Variants in SPTBN4 observed in about 807,000 individuals in gnomAD.
SPTBN4 encodes spectrin beta chain, non-erythrocytic 4.
In SPTBN4, 96 loss-of-function variants were observed where a neutral mutation model predicts 277.8. The ratio of observed to expected loss-of-function variants is 0.35; its 90% CI spans 0.29 to 0.41. The LOEUF (loss-of-function observed/expected upper bound fraction) is 0.41. Among genes scored for constraint, SPTBN4 ranks in the 10% least tolerant of loss-of-function variants. SPTBN4 has a pLI of 1.00. For missense variants in SPTBN4, 3,006 were observed against 3,595.7 expected (o/e 0.84, Z 4.19); for synonymous variants, 1,481 against 1,580.3 (o/e 0.94, Z 1.49).
At chr19:40,524,856 A>G (rs914439092) in intron 17 of SPTBN4, among the ~76,000 whole-genome samples, 26 of 152,324 alleles carry the variant, frequency 1.7e-4, no homozygotes, top group African/African-American at 5.8e-4. Flanking sequence ...TCAAGCGAAG[A>G]TATTTATTGA....
At chr19:40,568,411 C>T in intron 31 of SPTBN4, 129 bp downstream of exon 31, 1 of 1,321,492 alleles carries the variant, frequency 7.6e-7, no homozygotes, top group Non-Finnish European at 1.0e-6. Flanking sequence ...GCCGCGGTAC[C>T]CATTTTGCAG....
At chr19:40,549,075 G>T (rs754819057) in intron 20 of SPTBN4, 114 bp from the exon 21 acceptor site, 125 of 800,134 alleles carry the variant, frequency 1.6e-4, no homozygotes, top group Non-Finnish European at 2.3e-4. Flanking sequence ...ACAAGGAGAG[G>T]GTGGAAGGGT....
At chr19:40,520,274 G>A in intron 16 of SPTBN4, 123 bp downstream of exon 16, 1 of 1,116,128 alleles carries the variant, frequency 9.0e-7, no homozygotes, top group Non-Finnish European at 1.2e-6. Context: ...TCTGAGGTGG[G>A]TGGGAGGTGA....
chr19:40,530,588 C>T, intron 18 of SPTBN4: 1 of 980,858 alleles, frequency 1.0e-6, no homozygotes, highest in Non-Finnish European at 1.2e-6. Flanking sequence ...ACTGCCGCTT[C>T]AGGTCTCGGG....
intron 17 of SPTBN4, chr19:40,524,747 G>C: frequency 2.6e-6 from 1 of 391,374 alleles, no homozygotes; most frequent in South Asian, 1.9e-5. Flanking sequence ...GTGAGTGTCT[G>C]CATGTCTCTG....
chr19:40,504,148 C>CCCGCCCA lies in SPTBN4; in HGVS notation c.1665+16_1665+17insCCGCCCA. The CCCGCCCA allele has an allele frequency of 1.5e-6, 1 of 645,734 alleles. No homozygotes were observed. Among genetic ancestry groups the CCCGCCCA allele is most frequent in the Non-Finnish European group, 2.1e-6 (1 of 471,358 alleles). The allele number at this position is 645,734 out of a possible 1,614,324, so 40.0% of individuals were successfully genotyped here. On this transcript the variant is annotated intron_variant, in intron 12 of 35. Transcript: ENST00000598249. ...GGAGATGCAGGTGCCGGCGGGGGGG[C>CCCGCCCA]GGGGATGCGGGTGGAGTGCCAGGAG... is the stretch of plus-strand genomic sequence containing the variant.
In SPTBN4 at chr19:40,532,786, G is replaced by A. The variant is rs2080692868; in HGVS notation, c.4095+15G>A. The A allele has an allele frequency of 6.2e-7, 1 of 1,603,570 alleles. No homozygotes were observed. Among genetic ancestry groups the A allele is most frequent in the Non-Finnish European group, 8.5e-7 (1 of 1,174,064 alleles). ...AGATCGAGCGGGTGAGGAAGCTGAT[G>A]GCCCCTCTGCCTGTGCCAGGTGCAG... On this transcript the variant is annotated intron_variant, in intron 19 of 35. Transcript: ENST00000598249.
intron 20 of SPTBN4, among the ~76,000 whole-genome samples, chr19:40,543,332 T>C (rs1267333166): frequency 6.6e-6 from 1 of 152,148 alleles, no homozygotes; most frequent in African/African-American, 2.4e-5. Context: ...CATCTAAGGT[T>C]ACGTGCTCAT....
intron 18 of SPTBN4, among the ~76,000 whole-genome samples, chr19:40,532,294 G>A (rs1459505788): frequency 6.6e-6 from 1 of 151,690 alleles, no homozygotes; most frequent in Non-Finnish European, 1.5e-5. Flanking sequence ...GTTTTGGGGG[G>A]GGTGATCTGT....
intron 2 of SPTBN4, among the ~76,000 whole-genome samples, chr19:40,474,980 C>T (rs560196507): frequency 1.3e-5 from 2 of 152,022 alleles, no homozygotes; most frequent in East Asian, 3.9e-4. Flanking sequence ...AATAACCCTC[C>T]CACCTCGGCC....
Position 40,520,159 on chromosome 19 carries a change from C to T in SPTBN4, c.3654+8C>T, listed in dbSNP as rs1175400729. 2 of 1,396,786 alleles carry T rather than the reference C, an allele frequency of 1.4e-6. No individual in the cohort carries two copies. The highest frequency in any genetic ancestry group is 1.9e-6 in the Non-Finnish European group (2 of 1,074,938). 86.5% of individuals were successfully genotyped at this position (1,396,786 alleles called of 1,614,324 possible). A position where few individuals can be genotyped will look rare whatever the true frequency, so the allele number is the denominator to read the frequency against. ...GTGGTGCTGCGTAACCAGGTGCCCA[C>T]TCGGGGTGTACATTTCGGAGAGGGA... On this transcript the variant is annotated splice_region_variant and intron_variant, in intron 16 of 35. Coordinates refer to ENST00000598249, the MANE Select transcript of SPTBN4 (RefSeq NM_020971.3).
At chr19:40,496,394 C>T (rs1352624027) in intron 6 of SPTBN4, among the ~76,000 whole-genome samples, 1 of 152,148 alleles carries the variant, frequency 6.6e-6, no homozygotes, top group Admixed American at 6.5e-5. Flanking sequence ...AGGTGATCCA[C>T]CCACCTCGGC....
At chr19:40,530,593 C>CTCGGG in intron 18 of SPTBN4, 1 of 980,614 alleles carries the variant, frequency 1.0e-6, no homozygotes, top group Non-Finnish European at 1.2e-6. Context: ...CGCTTCAGGT[C>CTCGGG]TCGGGGGCGC....
intron 14 of SPTBN4, among the ~76,000 whole-genome samples, chr19:40,514,490 G>C (rs754112122): frequency 6.6e-6 from 1 of 152,206 alleles, no homozygotes; most frequent in Non-Finnish European, 1.5e-5. Context: ...CATGGAGACT[G>C]ATGGGCTGGA....
chr19:40,572,556 G>A lies in SPTBN4; in HGVS notation c.7536+176G>A, dbSNP rs565911020. ...CCAAAGGAGGTTCCTAACCCAGTGG[G>A]GAGTGGGAAGGGCTTCAGGGAGGGC... On this transcript the variant is annotated intron_variant, in intron 35 of 35. Transcript: ENST00000598249. 2.6e-5 allele frequency: 18 copies of A among 700,320 alleles called. No homozygotes were observed. The African/African-American group carries it at 3.2e-4, about 12-fold the overall frequency. 43.4% of individuals were successfully genotyped at this position (700,320 alleles called of 1,614,324 possible).
intron 15 of SPTBN4, among the ~76,000 whole-genome samples, chr19:40,518,662 G>A (rs894207392): frequency 1.3e-5 from 2 of 152,236 alleles, no homozygotes; most frequent in Middle Eastern, 3.4e-3. Context: ...GAGCTCAAGC[G>A]ATCCACCTGC....
In SPTBN4 at chr19:40,493,062, C is replaced by A. The variant is rs886895957; in HGVS notation, c.587+8C>A. On this transcript the variant is annotated splice_region_variant and intron_variant, in intron 5 of 35. Coordinates refer to ENST00000598249, the MANE Select transcript of SPTBN4 (RefSeq NM_020971.3). ...TCAGATGAAGACAGCTGGGTAAGCA[C>A]CCCCACCACCTTCCTTAGGAGGTTA... The A allele has an allele frequency of 1.9e-6, 3 of 1,613,594 alleles. No individual in the cohort carries two copies. The highest frequency in any genetic ancestry group is 2.5e-6 in the Non-Finnish European group (3 of 1,179,700).
At chr19:40,546,581 A>G (rs1427398204) in intron 20 of SPTBN4, among the ~76,000 whole-genome samples, 1 of 152,090 alleles carries the variant, frequency 6.6e-6, no homozygotes, top group Non-Finnish European at 1.5e-5. Context: ...AGTGGCTCAC[A>G]CCTGTAATCC....
chr19:40,568,308 A>T, intron 31 of SPTBN4, 26 bp downstream of exon 31: 2 of 1,574,224 alleles, frequency 1.3e-6, no homozygotes, highest in Non-Finnish European at 1.7e-6. Context: ...TATGACCAGA[A>T]AGTGAGGGGA....
Sources: gnomAD v4.1 joint callset for allele counts (sites outside exome capture counted in the v4.1 genomes callset) on GRCh38, gnomAD v4.1.1 for gene constraint, MANE v1.5 for transcripts, NCBI Gene and HGNC (gene_info 2026-07-23, HGNC 2026-07-21) for gene names.